NAALADL2: variants seen among roughly 807,000 people sequenced by gnomAD.
NAALADL2 encodes the protein inactive N-acetylated-alpha-linked acidic dipeptidase-like protein 2.
Under a neutral mutation model 87.2 loss-of-function variants are expected in NAALADL2, and 76 were observed. The ratio of observed to expected loss-of-function variants is 0.87; its 90% CI spans 0.72 to 1.05. The LOEUF (loss-of-function observed/expected upper bound fraction) is 1.05, where lower values mean the gene tolerates loss of function less well. Ranked by LOEUF, NAALADL2 falls within the 50% of genes least tolerant of loss-of-function variation. The probability of loss-of-function intolerance (pLI) is 0.00; values close to 1 mark genes in which losing one functional copy is unlikely to be tolerated. For missense variants in NAALADL2, 1,089 were observed against 945.8 expected (o/e 1.15, Z -1.99); for synonymous variants, 354 against 331.0 (o/e 1.07, Z -0.75).
chr3:175,394,175 G>A (rs1208654253), intron 5 of NAALADL2, among the ~76,000 whole-genome samples: 2 of 152,110 alleles, frequency 1.3e-5, no homozygotes, highest in Non-Finnish European at 2.9e-5. Context: ...ATTGAAAGCT[G>A]TTAATATTTT....
chr3:175,396,548 T>C (rs937999830), intron 5 of NAALADL2, among the ~76,000 whole-genome samples: 8 of 149,858 alleles, frequency 5.3e-5, no homozygotes. Flanking sequence ...ATTTTTTTTT[T>C]CCTTGCATTA....
At chr3:175,048,387 G>A (rs2109006463) in intron 1 of NAALADL2, among the ~76,000 whole-genome samples, 1 of 152,196 alleles carries the variant, frequency 6.6e-6, no homozygotes. Flanking sequence ...GGCCCCCAAA[G>A]CCCTTTTTCT....
At chr3:174,748,636 T>G (rs1023049932) in intron 3 of NAALADL2, among the ~76,000 whole-genome samples, 1 of 152,176 alleles carries the variant, frequency 6.6e-6, no homozygotes, top group African/African-American at 2.4e-5. Flanking sequence ...CAGCATTGTT[T>G]TGTGTTTTCG....
intron 2 of NAALADL2, among the ~76,000 whole-genome samples, chr3:175,108,206 T>G (rs920440805): frequency 6.6e-5 from 10 of 151,964 alleles, no homozygotes; most frequent in Admixed American, 1.3e-4. Context: ...ACTTGTCCCC[T>G]GTGGAACTTT....
At chr3:174,783,421 G>T (rs1716233804) in intron 3 of NAALADL2, among the ~76,000 whole-genome samples, 1 of 152,072 alleles carries the variant, frequency 6.6e-6, no homozygotes, top group Admixed American at 6.6e-5. Flanking sequence ...AATTGATGGG[G>T]TATTGCACTT....
chr3:174,781,322 G>A (rs947858676), intron 3 of NAALADL2, among the ~76,000 whole-genome samples: 2 of 151,732 alleles, frequency 1.3e-5, no homozygotes, highest in African/African-American at 4.8e-5. Flanking sequence ...TCGAATGTTG[G>A]CCTGTCTTGC....
chr3:174,777,761 A>G (rs1015746178), intron 3 of NAALADL2, among the ~76,000 whole-genome samples: 11 of 152,104 alleles, frequency 7.2e-5, no homozygotes, highest in South Asian at 4.1e-4. Context: ...GCTCTGTTCA[A>G]CAAGGAGCTT....
At chr3:174,803,000 A>G (rs1719019320) in intron 3 of NAALADL2, among the ~76,000 whole-genome samples, 1 of 152,076 alleles carries the variant, frequency 6.6e-6, no homozygotes, top group Non-Finnish European at 1.5e-5. Flanking sequence ...TATACCTAGT[A>G]ATGGGATTGC....
intron 3 of NAALADL2, among the ~76,000 whole-genome samples, chr3:174,817,258 A>G (rs536247666): frequency 1.3e-5 from 2 of 152,286 alleles, no homozygotes; most frequent in African/African-American, 2.4e-5. Flanking sequence ...TACTTGGCAA[A>G]ATATCCCTGG....
intron 8 of NAALADL2, among the ~76,000 whole-genome samples, chr3:175,470,798 G>C (rs887426563): frequency 3.6e-4 from 54 of 152,106 alleles, no homozygotes; most frequent in African/African-American, 1.2e-3. Flanking sequence ...GGAATCATTT[G>C]GTGTAGCTTG....
At chr3:175,302,319 A>G (rs144962219) in intron 4 of NAALADL2, among the ~76,000 whole-genome samples, 157 of 152,328 alleles carry the variant, frequency 1.0e-3, no homozygotes, top group Middle Eastern at 3.4e-3. Context: ...TCACTGACAT[A>G]TGTATTTCAA....
At position 175,131,901 on chromosome 3, in the gene NAALADL2, G is replaced by A. The variant is rs1262927140; in HGVS notation, c.545+34610G>A. Among the ~76,000 whole-genome samples the A allele has an allele frequency of 5.1e-4, 40 of 79,034 alleles. 1 individual carries two copies. In the East Asian group the frequency reaches 0.014, roughly 29 times the overall value. The allele number at this position is 79,034 out of a possible 152,430, so 51.8% of individuals were successfully genotyped here. ...CCCCCACCTCCCTCCCAGACGGGGC[G>A]GCTGGCCGGGCAGAGGGGCTCCTCA... On this transcript the variant is annotated intron_variant, in intron 2 of 13. Transcript: ENST00000454872.
At chr3:174,803,975 C>CTT (rs1188842944) in intron 3 of NAALADL2, among the ~76,000 whole-genome samples, 2 of 151,982 alleles carry the variant, frequency 1.3e-5, no homozygotes, top group Admixed American at 1.3e-4. Context: ...TCCATATGAA[C>CTT]TTTAAAGTAG....
intron 4 of NAALADL2, among the ~76,000 whole-genome samples, chr3:175,299,889 C>T (rs542550375): frequency 1.3e-5 from 2 of 152,230 alleles, no homozygotes; most frequent in East Asian, 1.9e-4. Flanking sequence ...ATGCTTTCAG[C>T]TTTTGCCCAT....
intron 2 of NAALADL2, among the ~76,000 whole-genome samples, chr3:174,729,414 G>A (rs561614771): frequency 6.6e-6 from 1 of 152,156 alleles, no homozygotes; most frequent in Non-Finnish European, 1.5e-5. Flanking sequence ...CTGTTAGTAA[G>A]TAGCAAGGCC....
chr3:175,318,938 T>A (rs1759492893), intron 4 of NAALADL2, among the ~76,000 whole-genome samples: 2 of 151,910 alleles, frequency 1.3e-5, no homozygotes, highest in South Asian at 4.1e-4. Context: ...TTGAGATTCA[T>A]CCATGTTTCC....
Position 175,803,160 on chromosome 3 carries a change from C to A in NAALADL2, c.2345C>A (p.Ala782Glu). The stretch of plus-strand genomic sequence containing the variant: ...AATTCAGCTCAGGTTTACTTCAAAG[C>A]AGGACTTGATGTGTTCAAGAGTGTC... ...SINSAQVYFK[A>E]GLDVFKSVLD... is the part of the protein sequence containing the mutation. The change falls in exon 14 of 14, where the codon GCA becomes GAA. Residue 782 changes from alanine to glutamate, a missense_variant. Transcript: ENST00000454872. 1 of 1,611,870 alleles carries A rather than the reference C, an allele frequency of 6.2e-7. No individual in the cohort carries two copies. Among genetic ancestry groups the A allele is most frequent in the Non-Finnish European group, 8.5e-7 (1 of 1,178,780 alleles).
rs534842559 is a variant in NAALADL2 at position 175,080,122 on chromosome 3, C to T, written c.44-16668C>T. On this transcript the variant is annotated intron_variant, in intron 1 of 13. Transcript: ENST00000454872. Reference sequence around the variant, plus strand: ...CTGGGACTACAGGCGCCCGCCACGGCGCCCGGCTAATTTTTTGTATTTTTA... The same window carrying T: ...CTGGGACTACAGGCGCCCGCCACGGTGCCCGGCTAATTTTTTGTATTTTTA... Among the ~76,000 whole-genome samples, 35 of 152,156 alleles carry T rather than the reference C, an allele frequency of 2.3e-4. No individual in the cohort carries two copies. The South Asian group carries it at 6.4e-3, about 28-fold the overall frequency.
At chr3:175,278,080 C>A (rs1202725843) in intron 4 of NAALADL2, among the ~76,000 whole-genome samples, 1 of 152,080 alleles carries the variant, frequency 6.6e-6, no homozygotes, top group Non-Finnish European at 1.5e-5. Context: ...GAGCCGAGAT[C>A]GCGCCACCGC....
Sources: allele counts gnomAD v4.1 joint callset (sites outside exome capture counted in the v4.1 genomes callset), GRCh38; gene constraint gnomAD v4.1.1; transcripts MANE v1.5; gene names NCBI Gene and HGNC (gene_info 2026-07-23, HGNC 2026-07-21).